SLC44A5: variants seen among roughly 807,000 people sequenced by gnomAD.
The protein encoded by SLC44A5 is solute carrier family 44 member 5, also known as choline transporter-like protein 5.
SLC44A5 carries 57 observed loss-of-function variants against 101.8 expected under a neutral mutation model. The ratio of observed to expected loss-of-function variants is 0.56; its 90% CI spans 0.45 to 0.70. SLC44A5 has a LOEUF of 0.70. SLC44A5 is among the 30% of genes least tolerant of loss of function. The probability of loss-of-function intolerance (pLI) is 0.00; values close to 1 mark genes in which losing one functional copy is unlikely to be tolerated. For synonymous variants in SLC44A5, 281 were observed against 290.9 expected (o/e 0.97, Z 0.35); for missense variants, 737 against 853.1 (o/e 0.86, Z 1.70).
intron 3 of SLC44A5, among the ~76,000 whole-genome samples, chr1:75,366,561 T>C (rs778743061): frequency 2.2e-4 from 34 of 152,240 alleles, no homozygotes; most frequent in Admixed American, 9.2e-4. Context: ...TGTAGTCCCA[T>C]ATTGCTGTCA....
chr1:75,297,283 T>G (rs1191208536), intron 5 of SLC44A5, among the ~76,000 whole-genome samples: 1 of 152,116 alleles, frequency 6.6e-6, no homozygotes, highest in Non-Finnish European at 1.5e-5. Context: ...TTAAAATTAT[T>G]TATTTACTTA....
intron 23 of SLC44A5, among the ~76,000 whole-genome samples, chr1:75,204,157 T>C (rs576662848): frequency 7.2e-5 from 11 of 152,328 alleles, no homozygotes; most frequent in Admixed American, 7.2e-4. Context: ...TCTAAATTAC[T>C]ATATTTGCTT....
the SLC44A5 span, among the ~76,000 whole-genome samples, chr1:75,677,479 T>C: frequency 4.6e-5 from 7 of 151,856 alleles, no homozygotes; most frequent in Admixed American, 2.6e-4. Flanking sequence ...ATAAAACAGA[T>C]ACACAAAGAA....
intron 6 of SLC44A5, among the ~76,000 whole-genome samples, chr1:75,251,648 A>T (rs1034199785): frequency 1.3e-5 from 2 of 152,218 alleles, no homozygotes; most frequent in African/African-American, 4.8e-5. Context: ...GAGTATTAAC[A>T]TATGGTTTGA....
intron 6 of SLC44A5, among the ~76,000 whole-genome samples, chr1:75,253,917 T>C (rs188582041): frequency 4.9e-4 from 74 of 152,286 alleles, no homozygotes; most frequent in Non-Finnish European, 9.3e-4. Flanking sequence ...AATTCCATAA[T>C]GTTTTTGAAA....
chr1:75,681,676 C>A, the SLC44A5 span, among the ~76,000 whole-genome samples: 1 of 149,178 alleles, frequency 6.7e-6, no homozygotes, highest in Non-Finnish European at 1.5e-5. Context: ...AAACTGGAAG[C>A]ATTCCCTTTG....
intron 5 of SLC44A5, among the ~76,000 whole-genome samples, chr1:75,291,828 G>A (rs971840364): frequency 8.6e-5 from 13 of 151,926 alleles, no homozygotes; most frequent in Non-Finnish European, 1.9e-4. Flanking sequence ...TGGCTAACAT[G>A]GTGAAACCCC....
intron 18 of SLC44A5, among the ~76,000 whole-genome samples, chr1:75,217,202 A>C (rs956748827): frequency 2.0e-5 from 3 of 152,036 alleles, no homozygotes; most frequent in Admixed American, 6.6e-5. Flanking sequence ...TTAGTTGAAA[A>C]GACTGATCTT....
intron 3 of SLC44A5, among the ~76,000 whole-genome samples, chr1:75,394,601 A>C (rs1222777620): frequency 6.6e-6 from 1 of 152,100 alleles, no homozygotes; most frequent in Middle Eastern, 3.2e-3. Context: ...AGGAAGTGAA[A>C]CGAGCCACTG....
chr1:75,439,721 C>A (rs995307816), intron 2 of SLC44A5, among the ~76,000 whole-genome samples: 2 of 151,998 alleles, frequency 1.3e-5, no homozygotes, highest in Admixed American at 6.6e-5. Flanking sequence ...TTTAAAAGAT[C>A]TAACAATCCT....
At chr1:75,288,628 T>C (rs888252904) in intron 5 of SLC44A5, among the ~76,000 whole-genome samples, 2 of 152,170 alleles carry the variant, frequency 1.3e-5, no homozygotes. Context: ...GTTCTGAAGA[T>C]TGTTAGTGTA....
chr1:75,507,094 G>C (rs1206945821), intron 2 of SLC44A5, among the ~76,000 whole-genome samples: 1 of 151,314 alleles, frequency 6.6e-6, no homozygotes, highest in Non-Finnish European at 1.5e-5. Context: ...GTAGAGATGG[G>C]GTTTTACCAT....
At chr1:75,426,182 A>G (rs2101579471) in intron 2 of SLC44A5, among the ~76,000 whole-genome samples, 1 of 152,334 alleles carries the variant, frequency 6.6e-6, no homozygotes, top group East Asian at 1.9e-4. Flanking sequence ...ACAGGGGAGG[A>G]GAGGAACTAG....
chr1:75,699,537 G>A, the SLC44A5 span, among the ~76,000 whole-genome samples: 4,804 of 150,374 alleles, frequency 0.032, 253 homozygotes, highest in African/African-American at 0.11. Context: ...GGTACCAGCC[G>A]CTGCAAAATC....
intron 2 of SLC44A5, among the ~76,000 whole-genome samples, chr1:75,435,804 C>G (rs1468404656): frequency 3.9e-5 from 6 of 152,012 alleles, no homozygotes; most frequent in Admixed American, 3.9e-4. Context: ...TCAAAGACAT[C>G]TTTAAAACCC....
At chr1:75,372,196 C>CAAA (rs770556856) in intron 3 of SLC44A5, among the ~76,000 whole-genome samples, 15 of 81,758 alleles carry the variant, frequency 1.8e-4, no homozygotes, top group South Asian at 4.3e-4. Flanking sequence ...GACTCTGTCT[C>CAAA]AAAAAAAAAA....
At chr1:75,269,384 G>A (rs535208311) in intron 6 of SLC44A5, among the ~76,000 whole-genome samples, 1 of 151,966 alleles carries the variant, frequency 6.6e-6, no homozygotes, top group South Asian at 2.1e-4. Context: ...TTTCAACTTT[G>A]TTTCCAATGA....
the SLC44A5 span, among the ~76,000 whole-genome samples, chr1:75,626,401 A>G: frequency 3.9e-5 from 6 of 152,116 alleles, no homozygotes; most frequent in Non-Finnish European, 8.8e-5. Context: ...ATATACCTGC[A>G]ATGGTGTTCC....
chr1:75,289,775 T>C (rs1257043457), intron 5 of SLC44A5, among the ~76,000 whole-genome samples: 4 of 152,220 alleles, frequency 2.6e-5, no homozygotes, highest in Admixed American at 2.0e-4. Context: ...ATTTTTCTGG[T>C]TGTCTACTTT....
Sources: gnomAD v4.1 joint callset for allele counts (sites outside exome capture counted in the v4.1 genomes callset) on GRCh38, gnomAD v4.1.1 for gene constraint, MANE v1.5 for transcripts, NCBI Gene and HGNC (gene_info 2026-07-23, HGNC 2026-07-21) for gene names.